Variants in KCNIP4 observed in about 807,000 individuals in gnomAD.
The protein encoded by KCNIP4 is potassium voltage-gated channel interacting protein 4, also known as Kv channel-interacting protein 4.
A neutral mutation model predicts 34.0 loss-of-function variants in KCNIP4; 12 were observed. The observed-to-expected ratio is 0.35, with a 90% CI of 0.23 to 0.57. KCNIP4 has a LOEUF of 0.57. Ranked by LOEUF, KCNIP4 falls within the 20% of genes least tolerant of loss-of-function variation. The pLI, the probability that KCNIP4 is intolerant of heterozygous loss-of-function variation, is 0.83. For missense variants in KCNIP4, 238 were observed against 311.7 expected, an observed-to-expected ratio of 0.76 and a Z score of 1.78; for synonymous variants, 124 against 102.2, an observed-to-expected ratio of 1.21 and a Z score of -1.29.
chr4:21,570,621 T>C (rs189284883), intron 1 of KCNIP4, among the ~76,000 whole-genome samples: 56 of 152,306 alleles, frequency 3.7e-4, no homozygotes, highest in Admixed American at 9.2e-4. Context: ...CAATAAATCA[T>C]GTTTAATATC....
intron 3 of KCNIP4, among the ~76,000 whole-genome samples, chr4:20,812,032 T>C (rs1715835336): frequency 6.6e-6 from 1 of 152,158 alleles, no homozygotes. Context: ...CCCACTGGGG[T>C]GTCTGGACTC....
At chr4:21,268,398 T>C (rs1310930158) in intron 1 of KCNIP4, among the ~76,000 whole-genome samples, 1 of 152,206 alleles carries the variant, frequency 6.6e-6, no homozygotes, top group African/African-American at 2.4e-5. Flanking sequence ...TCTCAATGTT[T>C]ATAAATATTT....
chr4:20,873,646 C>T (rs1723710672), intron 2 of KCNIP4, among the ~76,000 whole-genome samples: 1 of 152,160 alleles, frequency 6.6e-6, no homozygotes, highest in South Asian at 2.1e-4. Context: ...TTCACATCAT[C>T]CCTTCTAAAA....
At chr4:21,795,883 C>T (rs11723231) in intron 1 of KCNIP4, among the ~76,000 whole-genome samples, 11,845 of 152,114 alleles carry the variant, frequency 0.078, 542 homozygotes, top group Middle Eastern at 0.14. Flanking sequence ...GACTGGCCAA[C>T]ACATGGTGAG....
At chr4:21,106,269 A>G (rs1328368455) in intron 1 of KCNIP4, among the ~76,000 whole-genome samples, 2 of 151,712 alleles carry the variant, frequency 1.3e-5, no homozygotes, top group African/African-American at 2.4e-5. Context: ...CCACAATTTC[A>G]GAGCCTCTTA....
chr4:20,804,616 T>C (rs1214130747), intron 3 of KCNIP4, among the ~76,000 whole-genome samples: 1 of 152,190 alleles, frequency 6.6e-6, no homozygotes, highest in East Asian at 1.9e-4. Flanking sequence ...TTATTAAACA[T>C]TTCTTGCCCT....
At chr4:21,739,700 A>G (rs1174224701) in intron 1 of KCNIP4, among the ~76,000 whole-genome samples, 1 of 152,112 alleles carries the variant, frequency 6.6e-6, no homozygotes, top group African/African-American at 2.4e-5. Flanking sequence ...ATAAGGAGAA[A>G]GTTATGCTTG....
intron 1 of KCNIP4, among the ~76,000 whole-genome samples, chr4:21,830,143 T>C (rs892371404): frequency 2.0e-5 from 3 of 152,092 alleles, no homozygotes; most frequent in Non-Finnish European, 4.4e-5. Flanking sequence ...ATATTAAAGA[T>C]GGAAAAATAT....
intron 1 of KCNIP4, among the ~76,000 whole-genome samples, chr4:21,425,933 C>A (rs1203630998): frequency 1.3e-5 from 2 of 151,958 alleles, no homozygotes; most frequent in African/African-American, 4.8e-5. Context: ...GCATCTCTGT[C>A]GTCCCAGGTA....
intron 1 of KCNIP4, among the ~76,000 whole-genome samples, chr4:21,342,941 G>C (rs986739564): frequency 6.6e-5 from 10 of 152,106 alleles, no homozygotes; most frequent in Admixed American, 5.9e-4. Flanking sequence ...GCCCTAGGTA[G>C]TATCATGTGT....
intron 1 of KCNIP4, among the ~76,000 whole-genome samples, chr4:21,728,368 G>T (rs1473706844): frequency 6.6e-6 from 1 of 152,032 alleles, no homozygotes; most frequent in Non-Finnish European, 1.5e-5. Context: ...TCAGCAAATG[G>T]TGTTGGCTCA....
In KCNIP4 at chr4:21,813,429, T is replaced by C. The variant is rs1721782892; in HGVS notation, c.61+135142A>G. On this transcript the variant is annotated intron_variant, in intron 1 of 8. Transcript: ENST00000382152. The stretch of plus-strand genomic sequence containing the variant: ...AATTTTTACAACATCTAGACAAATA[T>C]ATAGGTAAGATAGAATCATCCATCT... Among the ~76,000 whole-genome samples the C allele has an allele frequency of 3.3e-5, 5 of 152,280 alleles. No individual in the cohort carries two copies. The South Asian group carries it at 1.0e-3, about 32-fold the overall frequency.
intron 1 of KCNIP4, among the ~76,000 whole-genome samples, chr4:21,561,244 T>C (rs755365252): frequency 2.7e-4 from 41 of 152,000 alleles, no homozygotes; most frequent in Admixed American, 4.6e-4. Context: ...GGGGTATTAG[T>C]GGGAATATAA....
chr4:21,314,138 T>C (rs991564417), intron 1 of KCNIP4, among the ~76,000 whole-genome samples: 1 of 152,204 alleles, frequency 6.6e-6, no homozygotes, highest in African/African-American at 2.4e-5. Flanking sequence ...CTCCTAGACA[T>C]TGCTCTTGGT....
intron 1 of KCNIP4, among the ~76,000 whole-genome samples, chr4:21,924,727 A>G (rs1005543181): frequency 2.6e-5 from 4 of 152,122 alleles, no homozygotes; most frequent in African/African-American, 9.7e-5. Context: ...TTAATTTCAA[A>G]TAATTTTCTC....
chr4:20,901,932 T>C (rs1048869333), intron 1 of KCNIP4, among the ~76,000 whole-genome samples: 2 of 152,156 alleles, frequency 1.3e-5, no homozygotes, highest in African/African-American at 4.8e-5. Context: ...AGTCTTTCTT[T>C]TAGATTTTCA....
intron 1 of KCNIP4, among the ~76,000 whole-genome samples, chr4:21,906,593 A>T (rs1157028602): frequency 6.6e-6 from 1 of 152,182 alleles, no homozygotes; most frequent in Non-Finnish European, 1.5e-5. Context: ...GTCTGTTAGA[A>T]GCCACAAAGT....
intron 1 of KCNIP4, among the ~76,000 whole-genome samples, chr4:21,468,819 C>T (rs79050581): frequency 1.1e-4 from 17 of 152,150 alleles, no homozygotes; most frequent in South Asian, 2.1e-4. Flanking sequence ...TTTTTGCTAG[C>T]GCACTTTTTT....
rs561183172 is a variant in KCNIP4, at chr4:21,741,133, G to T, written c.61+207438C>A. Among the ~76,000 whole-genome samples, 5 of 152,220 alleles carry T rather than the reference G, an allele frequency of 3.3e-5. No individual in the cohort carries two copies. The East Asian group carries it at 9.7e-4, about 29-fold the overall frequency. Reference sequence around the variant, plus strand: ...TTGTTCATATAAGAGGCACCATTTTGTAATGCTGGCTTATAGCATTTCCAA... The same window carrying T: ...TTGTTCATATAAGAGGCACCATTTTTTAATGCTGGCTTATAGCATTTCCAA... On this transcript the variant is annotated intron_variant, in intron 1 of 8. Coordinates refer to ENST00000382152, the MANE Select transcript of KCNIP4 (RefSeq NM_025221.6).
Sources: allele counts gnomAD v4.1 joint callset (sites outside exome capture counted in the v4.1 genomes callset), GRCh38; gene constraint gnomAD v4.1.1; transcripts MANE v1.5; gene names NCBI Gene and HGNC (gene_info 2026-07-23, HGNC 2026-07-21).